LYST: variants seen among roughly 807,000 people sequenced by gnomAD.
The protein encoded by LYST is lysosomal trafficking regulator, also known as lysosomal-trafficking regulator.
LYST carries 192 observed loss-of-function variants against 413.6 expected under a neutral mutation model. The observed-to-expected ratio is 0.46, with a 90% CI of 0.41 to 0.52. LYST has a LOEUF of 0.52. Among genes scored for constraint, LYST ranks in the 20% least tolerant of loss-of-function variants. The pLI is 0.00. For synonymous variants in LYST, 1,525 were observed against 1,567.3 expected (o/e 0.97, Z 0.64); for missense variants, 3,815 against 4,499.9 (o/e 0.85, Z 4.35).
intron 2 of LYST, among the ~76,000 whole-genome samples, chr1:235,833,043 A>G (rs1043591006): frequency 6.6e-5 from 10 of 152,094 alleles, no homozygotes; most frequent in Non-Finnish European, 8.8e-5. Context: ...CAAATAACAA[A>G]AATTCTGAAT....
At chr1:235,690,709 C>G (rs1482981434) in intron 47 of LYST, among the ~76,000 whole-genome samples, 1 of 152,106 alleles carries the variant, frequency 6.6e-6, no homozygotes, top group African/African-American at 2.4e-5. Flanking sequence ...TCCTCCATTT[C>G]TAAAGAGCTC....
chr1:235,754,334 G>T (rs1319831889), intron 25 of LYST, among the ~76,000 whole-genome samples: 21 of 145,304 alleles, frequency 1.4e-4, no homozygotes, highest in African/African-American at 5.3e-4. Flanking sequence ...CTGGGTTCAA[G>T]CGGTTCTCCT....
At position 235,808,539 on chromosome 1, in the gene LYST, T is replaced by C; in HGVS notation, c.2279A>G (p.His760Arg). ...QHLSVTSAQS[H>R]VCSHHNQCLP... is the part of the protein sequence containing the mutation. ...GCACTGGTTATGATGGCTACATACA[T>C]GACTTTGAGCTGAAGTAACGCTTAG... Residue 760 changes from histidine (H) to arginine (R), a missense_variant, in exon 5 of 53, where the codon CAT (histidine) becomes CGT (arginine). By Grantham distance (29) the His-to-Arg change is conservative. Coordinates refer to ENST00000389793, the MANE Select transcript of LYST (RefSeq NM_000081.4). 6.2e-7 allele frequency: 1 copy of C among 1,613,736 alleles called. No homozygotes were observed. The highest frequency in any genetic ancestry group is 8.5e-7 in the Non-Finnish European group (1 of 1,179,874).
In LYST at chr1:235,664,663, T is replaced by C; in HGVS notation, c.11039-42A>G. The C allele has an allele frequency of 1.2e-6, 2 of 1,609,714 alleles. No individual in the cohort carries two copies. Among genetic ancestry groups the C allele is most frequent in the South Asian group, 2.2e-5 (2 of 90,944 alleles). On this transcript the variant is annotated intron_variant, in intron 50 of 52. Transcript: ENST00000389793. This position sits in a 1 kb window ranked among gnomAD's most constrained non-coding sequence, Gnocchi z 4.5. ...ATCCGGCGGGTTACCAGAATGTGGC[T>C]GTCTCAGAGCCCACATTTGGCCCCA...
chr1:235,823,430 T>G (rs1442242206), intron 3 of LYST, among the ~76,000 whole-genome samples: 1 of 152,260 alleles, frequency 6.6e-6, no homozygotes, highest in Non-Finnish European at 1.5e-5. Flanking sequence ...ATTCTCCTAT[T>G]GAAACAACTC....
At chr1:235,802,800 T>C in intron 8 of LYST, 108 bp downstream of exon 8, 1 of 993,298 alleles carries the variant, frequency 1.0e-6, no homozygotes, top group Non-Finnish European at 1.6e-6. Flanking sequence ...ACACACTTGT[T>C]AAACTGTAAG....
intron 1 of LYST, among the ~76,000 whole-genome samples, chr1:235,836,639 C>T (rs1019326553): frequency 6.6e-6 from 1 of 152,156 alleles, no homozygotes; most frequent in African/African-American, 2.4e-5. Context: ...CCCATTCTTC[C>T]TTCTCAGGAA....
intron 1 of LYST, among the ~76,000 whole-genome samples, chr1:235,853,416 G>A (rs983175102): frequency 6.6e-6 from 1 of 152,052 alleles, no homozygotes; most frequent in East Asian, 1.9e-4. Flanking sequence ...TCTGTATTAT[G>A]CATTTAAGCT....
At chr1:235,707,715 T>C (rs781654623) in intron 44 of LYST, among the ~76,000 whole-genome samples, 1 of 152,150 alleles carries the variant, frequency 6.6e-6, no homozygotes, top group Non-Finnish European at 1.5e-5. Context: ...AAAATAACCA[T>C]AGAAATATTA....
Position 235,762,865 on chromosome 1 carries a change from T to G in LYST, c.6122-14A>C. The G allele has an allele frequency of 1.2e-6, 2 of 1,605,734 alleles. 1 individual carries two copies. The highest frequency in any genetic ancestry group is 2.2e-5 in the South Asian group (2 of 90,986). On this transcript the variant is annotated splice_polypyrimidine_tract_variant and intron_variant, in intron 21 of 52. Coordinates refer to ENST00000389793, the MANE Select transcript of LYST (RefSeq NM_000081.4). ...AGATCTTGCCATCTAGAATCCAAAT[T>G]TTTTTTGAAACAGCAAAATTTTTAA... is the stretch of plus-strand genomic sequence containing the variant.
intron 1 of LYST, among the ~76,000 whole-genome samples, chr1:235,839,301 G>T (rs546249648): frequency 6.6e-6 from 1 of 150,856 alleles, no homozygotes; most frequent in Non-Finnish European, 1.5e-5. Context: ...CTGTCGCCCA[G>T]GATGGAGTGC....
At chr1:235,822,346 G>A (rs1418627785) in intron 3 of LYST, among the ~76,000 whole-genome samples, 1 of 152,170 alleles carries the variant, frequency 6.6e-6, no homozygotes, top group Non-Finnish European at 1.5e-5. Flanking sequence ...TGTGCTGACT[G>A]GATTTCAGGA....
At chr1:235,691,990 G>C (rs914477804) in intron 47 of LYST, among the ~76,000 whole-genome samples, 5 of 150,322 alleles carry the variant, frequency 3.3e-5, no homozygotes, top group Non-Finnish European at 5.9e-5. Flanking sequence ...GAGCCACCAT[G>C]CCCAGCCTAA....
chr1:235,841,479 T>A (rs1385990835), intron 1 of LYST, among the ~76,000 whole-genome samples: 1 of 152,224 alleles, frequency 6.6e-6, no homozygotes, highest in South Asian at 2.1e-4. Context: ...CTTAAAATCA[T>A]CATGGTGAGA....
chr1:235,785,428 C>G (rs1670318263), intron 14 of LYST, among the ~76,000 whole-genome samples: 1 of 152,182 alleles, frequency 6.6e-6, no homozygotes, highest in Admixed American at 6.5e-5. Flanking sequence ...ATTAATATAT[C>G]AAGTGCTCAA....
In LYST at chr1:235,863,552, A is replaced by G. The variant is rs535785214; in HGVS notation, c.-98+3291T>C. ...AGGTGTTCAAGTTAAATACAGCAAC[A>G]GACCAAAAAGGTACTCTGAAATTCC... On this transcript the variant is annotated intron_variant, in intron 1 of 52. Transcript: ENST00000389793. Among the ~76,000 whole-genome samples the G allele has an allele frequency of 2.0e-4, 30 of 152,046 alleles. No homozygotes were observed. In the East Asian group the frequency reaches 5.8e-3, roughly 29 times the overall value.
chr1:235,722,699 T>C (rs1426553235), intron 39 of LYST, among the ~76,000 whole-genome samples: 1 of 152,168 alleles, frequency 6.6e-6, no homozygotes, highest in Non-Finnish European at 1.5e-5. Flanking sequence ...TTGGCCAGGC[T>C]GGTCTTGAAC....
chr1:235,815,173 T>C (rs543782657), intron 3 of LYST, among the ~76,000 whole-genome samples: 3 of 152,190 alleles, frequency 2.0e-5, no homozygotes, highest in African/African-American at 2.4e-5. Flanking sequence ...TTTCCTCTTT[T>C]ATCCGTTAAA....
At chr1:235,798,014 A>C (rs1250992353) in intron 10 of LYST, among the ~76,000 whole-genome samples, 1 of 152,236 alleles carries the variant, frequency 6.6e-6, no homozygotes, top group African/African-American at 2.4e-5. Flanking sequence ...CAATAAGTAC[A>C]TGAAAAGAGG....
Sources: gnomAD v4.1 joint callset for allele counts (sites outside exome capture counted in the v4.1 genomes callset) on GRCh38, gnomAD v4.1.1 for gene constraint, Gnocchi (gnomAD v3.1) non-coding constraint, MANE v1.5 for transcripts, NCBI Gene and HGNC (gene_info 2026-07-23, HGNC 2026-07-21) for gene names.